MYO16: variants seen among roughly 807,000 people sequenced by gnomAD.
The protein encoded by MYO16 is unconventional myosin-XVI.
In MYO16, 94 loss-of-function variants were observed where a neutral mutation model predicts 205.3. That is an observed-to-expected ratio of 0.46 (90% CI 0.39 to 0.54). The LOEUF is 0.54. Among genes scored for constraint, MYO16 ranks in the 20% least tolerant of loss-of-function variants. MYO16 has a pLI of 0.00. For synonymous variants in MYO16, 988 were observed against 954.0 expected, an observed-to-expected ratio of 1.04 and a Z score of -0.66; for missense variants, 2,315 against 2,387.5, an observed-to-expected ratio of 0.97 and a Z score of 0.63.
At chr13:109,199,308 A>G (rs1025138739) in intron 34 of MYO16, among the ~76,000 whole-genome samples, 2 of 145,782 alleles carry the variant, frequency 1.4e-5, no homozygotes, top group East Asian at 4.1e-4. Flanking sequence ...TTGTTTGTCT[A>G]AAAGCTCCTT....
chr13:108,663,424 C>A (rs1021219689), intron 1 of MYO16, among the ~76,000 whole-genome samples: 1 of 151,844 alleles, frequency 6.6e-6, no homozygotes, highest in African/African-American at 2.4e-5. Flanking sequence ...AGTCAAAATG[C>A]GCAATAAATT....
intron 27 of MYO16, among the ~76,000 whole-genome samples, chr13:109,089,387 T>C (rs1888548813): frequency 6.6e-6 from 1 of 152,012 alleles, no homozygotes. Context: ...CTAATTTTTG[T>C]ATTTTTAGTA....
At chr13:109,021,713 A>T (rs1384690605) in intron 23 of MYO16, among the ~76,000 whole-genome samples, 3 of 152,140 alleles carry the variant, frequency 2.0e-5, no homozygotes, top group African/African-American at 4.8e-5. Context: ...CAGGGTAGAA[A>T]GGGCGGTAGG....
intron 20 of MYO16, among the ~76,000 whole-genome samples, chr13:108,980,990 A>G (rs1319092295): frequency 1.3e-5 from 2 of 152,230 alleles, no homozygotes; most frequent in East Asian, 3.8e-4. Flanking sequence ...TATGAACCCC[A>G]GTATGCCAGA....
chr13:109,041,449 G>C (rs576869875), intron 23 of MYO16, among the ~76,000 whole-genome samples: 1 of 152,320 alleles, frequency 6.6e-6, no homozygotes, highest in South Asian at 2.1e-4. Context: ...AATGAAGTGG[G>C]AGGAATTCAC....
intron 21 of MYO16, among the ~76,000 whole-genome samples, chr13:108,996,403 G>A (rs1358726536): frequency 6.6e-6 from 1 of 152,070 alleles, no homozygotes; most frequent in Non-Finnish European, 1.5e-5. Context: ...GGGCCCTAAT[G>A]TGCTAAATTA....
chr13:108,823,406 A>ATTTT, intron 9 of MYO16, 128 bp downstream of exon 9: 1 of 761,956 alleles, frequency 1.3e-6, no homozygotes, highest in Non-Finnish European at 2.0e-6. Flanking sequence ...TGTATATACC[A>ATTTT]AAGAATACTT....
rs370627155 is a variant in MYO16 at position 108,864,846 on chromosome 13, T to C, written c.1360-1331T>C. Among the ~76,000 whole-genome samples the C allele has an allele frequency of 5.9e-5, 9 of 152,290 alleles. No homozygotes were observed. The South Asian group carries it at 8.3e-4, about 14-fold the overall frequency. On this transcript the variant is annotated intron_variant, in intron 11 of 34. Coordinates refer to ENST00000457511, the MANE Select transcript of MYO16 (RefSeq NM_001198950.3). The stretch of plus-strand genomic sequence containing the variant: ...AGCCACTGCACCTGCCCATGATGCC[T>C]TGATGTACATACACTTAGTGAAATG...
intron 16 of MYO16, among the ~76,000 whole-genome samples, chr13:108,951,077 T>C (rs1388935578): frequency 6.6e-6 from 1 of 152,164 alleles, no homozygotes; most frequent in Non-Finnish European, 1.5e-5. Context: ...AGTTCTGGGA[T>C]ACATGTGCAG....
In MYO16 at chr13:109,055,135, C is replaced by T. The variant is rs375009321; in HGVS notation, c.3129+9C>T. 3.5e-5 allele frequency: 55 copies of T among 1,556,896 alleles called. No homozygotes were observed. The highest frequency in any genetic ancestry group is 1.5e-4 in the African/African-American group (11 of 71,826). ...TAGCATCACAACTCAGGGTTAGTGACGTTTTCAGATTTCAAAAACTTAATG... is the reference window on the plus strand; with the variant it reads ...TAGCATCACAACTCAGGGTTAGTGATGTTTTCAGATTTCAAAAACTTAATG... On this transcript the variant is annotated intron_variant, in intron 26 of 34. Coordinates refer to ENST00000457511, the MANE Select transcript of MYO16 (RefSeq NM_001198950.3). The surrounding 1 kb of genome is among the most constrained non-coding windows in gnomAD (Gnocchi z 5.0).
intron 27 of MYO16, among the ~76,000 whole-genome samples, chr13:109,087,575 G>A (rs1177139809): frequency 1.3e-5 from 2 of 152,170 alleles, no homozygotes; most frequent in Non-Finnish European, 2.9e-5. Flanking sequence ...GAACCCAGGA[G>A]GTGGAGGTTG....
intron 7 of MYO16, among the ~76,000 whole-genome samples, chr13:108,817,534 A>G (rs1263871465): frequency 6.6e-6 from 1 of 152,134 alleles, no homozygotes; most frequent in African/African-American, 2.4e-5. Context: ...GACGGGGGGA[A>G]CTGTTGGTGA....
chr13:108,796,697 C>T (rs2138954965), intron 6 of MYO16, among the ~76,000 whole-genome samples: 1 of 146,510 alleles, frequency 6.8e-6, no homozygotes, highest in South Asian at 2.2e-4. Flanking sequence ...TGTTCTCACT[C>T]ATAGGTGGGA....
intron 24 of MYO16, chr13:109,048,408 GA>G: frequency 4.3e-6 from 3 of 692,320 alleles, no homozygotes; most frequent in South Asian, 1.7e-5. Context: ...GGAGGTGTCA[GA>G]TTTTTTTTTT....
chr13:109,042,975 C>A (rs1318590903), intron 23 of MYO16, among the ~76,000 whole-genome samples: 1 of 152,198 alleles, frequency 6.6e-6, no homozygotes, highest in Non-Finnish European at 1.5e-5. Flanking sequence ...ATTGAAGTCT[C>A]CAAATGGGAG....
intron 4 of MYO16, among the ~76,000 whole-genome samples, chr13:108,730,217 A>G (rs749027471): frequency 6.6e-6 from 1 of 152,084 alleles, no homozygotes; most frequent in Non-Finnish European, 1.5e-5. Flanking sequence ...GTAAGTTCTC[A>G]TGAGATCCTA....
At chr13:108,874,446 C>T (rs542816016) in intron 12 of MYO16, among the ~76,000 whole-genome samples, 1 of 152,196 alleles carries the variant, frequency 6.6e-6, no homozygotes, top group African/African-American at 2.4e-5. Context: ...TATTACATGG[C>T]AGAACTGCCT....
intron 1 of MYO16, among the ~76,000 whole-genome samples, chr13:108,659,678 T>G (rs1246492948): frequency 6.6e-6 from 1 of 152,156 alleles, no homozygotes; most frequent in African/African-American, 2.4e-5. Context: ...ATCTGCCACA[T>G]GTTAAGTGCT....
At chr13:108,682,691 C>T (rs952379278) in intron 2 of MYO16, among the ~76,000 whole-genome samples, 3 of 151,948 alleles carry the variant, frequency 2.0e-5, no homozygotes, top group African/African-American at 4.8e-5. Flanking sequence ...GACCATGAGT[C>T]GTGCATGGAA....
Sources: allele counts gnomAD v4.1 joint callset (sites outside exome capture counted in the v4.1 genomes callset), GRCh38; gene constraint gnomAD v4.1.1; non-coding constraint Gnocchi (gnomAD v3.1); transcripts MANE v1.5; gene names NCBI Gene and HGNC (gene_info 2026-07-23, HGNC 2026-07-21).